Variants in SH3BP2 observed in about 807,000 individuals in gnomAD.
The protein encoded by SH3BP2 is SH3 domain binding protein 2.
Under a neutral mutation model 56.2 loss-of-function variants are expected in SH3BP2, and 38 were observed. The ratio of observed to expected loss-of-function variants is 0.68; its 90% CI spans 0.52 to 0.89. The LOEUF (loss-of-function observed/expected upper bound fraction) is 0.89, where lower values mean the gene tolerates loss of function less well. Among genes scored for constraint, SH3BP2 ranks in the 40% least tolerant of loss-of-function variants. SH3BP2 has a pLI of 0.00. For synonymous variants in SH3BP2, 346 were observed against 316.7 expected (o/e 1.09, Z -0.98); for missense variants, 748 against 762.6 (o/e 0.98, Z 0.23).
intron 3 of SH3BP2, 85 bp downstream of exon 3, chr4:2,823,122 A>G: frequency 1.0e-6 from 1 of 967,422 alleles, no homozygotes; most frequent in Non-Finnish European, 1.6e-6. Context: ...CCTGCCCCTT[A>G]TTCCCGCCCA....
At chr4:2,821,572 T>G (rs1227722806) in intron 2 of SH3BP2, among the ~76,000 whole-genome samples, 3 of 152,176 alleles carry the variant, frequency 2.0e-5, no homozygotes, top group Admixed American at 6.5e-5. Context: ...TTTATTTTAT[T>G]TTTTCGAGAC....
intron 1 of SH3BP2, chr4:2,818,773 C>T: frequency 1.0e-6 from 1 of 987,858 alleles, no homozygotes; most frequent in Non-Finnish European, 1.2e-6. Flanking sequence ...CCTCCCTGCC[C>T]AGAGGGGCTG....
In SH3BP2 at chr4:2,831,450, A is replaced by T; in HGVS notation, c.1242-121A>T. The stretch of plus-strand genomic sequence containing the variant: ...GTTGTCCTGAGCTTTTTAGGGTCAC[A>T]GGGGCCATAGCAGGCAGCTTGCCGT... On this transcript the variant is annotated intron_variant, in intron 8 of 12. Coordinates refer to ENST00000503393, the MANE Select transcript of SH3BP2 (RefSeq NM_001122681.2). The surrounding 1 kb of genome is among the most constrained non-coding windows in gnomAD (Gnocchi z 4.1). 2 of 763,252 alleles carry T rather than the reference A, an allele frequency of 2.6e-6. No individual in the cohort carries two copies. The allele number at this position is 763,252 out of a possible 1,614,324, so 47.3% of individuals were successfully genotyped here.
rs780803809 is a variant in SH3BP2 at position 2,831,622 on chromosome 4, C to G, written c.1293C>G (p.Pro431=). The G allele has an allele frequency of 2.5e-6, 4 of 1,606,132 alleles. No individual in the cohort carries two copies. The Admixed American group carries it at 6.7e-5, about 27-fold the overall frequency. ...QSFRSFSFEK[P]RQPSQADTGG... ...TCAGGAGCTTCTCCTTTGAAAAGCC[C>G]CGGCAACCCTCACAGGCTGACACTG... Residue 431 remains proline, a synonymous_variant, in exon 9 of 13, where the codon CCC becomes CCG. Coordinates refer to ENST00000503393, the MANE Select transcript of SH3BP2 (RefSeq NM_001122681.2). This position sits in a 1 kb window ranked among gnomAD's most constrained non-coding sequence, Gnocchi z 4.1.
chr4:2,827,183 C>T (rs1474447290), intron 5 of SH3BP2, 47 bp from the exon 6 acceptor site: 1 of 1,535,464 alleles, frequency 6.5e-7, no homozygotes, highest in Admixed American at 1.7e-5. Flanking sequence ...CAAGGGACCT[C>T]CCAGGCCTGG....
At chr4:2,812,007 G>C in intron 1 of SH3BP2, 4 of 379,546 alleles carry the variant, frequency 1.1e-5, no homozygotes, top group South Asian at 9.9e-5. Context: ...CGAGTATTCA[G>C]AGGTGGCCCT....
intron 1 of SH3BP2, among the ~76,000 whole-genome samples, chr4:2,812,762 C>CGG (rs1723814107): frequency 1.4e-5 from 2 of 145,686 alleles, no homozygotes; most frequent in Non-Finnish European, 3.1e-5. Flanking sequence ...GACAGGGAGG[C>CGG]GGGGGCCAGC....
chr4:2,834,533 G>C lies in SH3BP2; in HGVS notation c.*699G>C, dbSNP rs1471681096. On this transcript the variant is annotated 3_prime_UTR_variant, in exon 13 of 13. Transcript: ENST00000503393. ...TCACCAGTTCTGCTGCCTCAGGTCA[G>C]GCCAGGGCAGTGCTGCTGCAGAGCT... is the stretch of plus-strand genomic sequence containing the variant. The C allele has an allele frequency of 6.6e-6, 1 of 152,530 alleles. No individual in the cohort carries two copies. Among genetic ancestry groups the C allele is most frequent in the East Asian group, 1.9e-4 (1 of 5,196 alleles). The allele number at this position is 152,530 out of a possible 1,614,324, so 9.4% of individuals were successfully genotyped here.
intron 1 of SH3BP2, among the ~76,000 whole-genome samples, chr4:2,807,085 G>C (rs149182644): frequency 1.3e-5 from 2 of 152,224 alleles, no homozygotes; most frequent in African/African-American, 2.4e-5. Flanking sequence ...AACACACTGC[G>C]TCTTCTGGGA....
chr4:2,809,387 A>G (rs376924952), intron 1 of SH3BP2, among the ~76,000 whole-genome samples: 4 of 121,970 alleles, frequency 3.3e-5, no homozygotes, highest in Non-Finnish European at 6.8e-5. Context: ...CTCAGTGTCC[A>G]CCTTCCCACA....
intron 11 of SH3BP2, 147 bp downstream of exon 11, chr4:2,832,559 C>T (rs1287050612): frequency 1.4e-6 from 1 of 728,890 alleles, no homozygotes; most frequent in Non-Finnish European, 2.5e-6. Flanking sequence ...CCAGCAGCAC[C>T]CCCCAATCTA....
At position 2,834,646 on chromosome 4, in the gene SH3BP2, C is replaced by G. The variant is rs192599243; in HGVS notation, c.*812C>G. The G allele has an allele frequency of 6.6e-6, 1 of 152,224 alleles. No individual in the cohort carries two copies. The highest frequency in any genetic ancestry group is 1.5e-5 in the Non-Finnish European group (1 of 68,078). 9.4% of individuals were successfully genotyped at this position (152,224 alleles called of 1,614,324 possible). On this transcript the variant is annotated 3_prime_UTR_variant, in exon 13 of 13. Coordinates refer to ENST00000503393, the MANE Select transcript of SH3BP2 (RefSeq NM_001122681.2). ...CTGAGTGGCTGTCCCCGTTCCAGAA[C>G]TTGCATACACTGAGCGGGCTACAGA... is the stretch of plus-strand genomic sequence containing the variant.
chr4:2,809,941 G>T (rs1449998724), intron 1 of SH3BP2: 6 of 472,990 alleles, frequency 1.3e-5, no homozygotes, highest in Non-Finnish European at 1.7e-5. Flanking sequence ...AGGGACACCA[G>T]GGCTGCCCAT....
chr4:2,812,861 G>A (rs904805049), intron 1 of SH3BP2, among the ~76,000 whole-genome samples: 1 of 152,078 alleles, frequency 6.6e-6, no homozygotes, highest in African/African-American at 2.4e-5. Context: ...CACACGTTGT[G>A]TATGTGAGTG....
At chr4:2,809,381 G>C (rs1723655985) in intron 1 of SH3BP2, among the ~76,000 whole-genome samples, 2 of 149,460 alleles carry the variant, frequency 1.3e-5, no homozygotes, top group African/African-American at 5.0e-5. Flanking sequence ...TCTGGGCTCA[G>C]TGTCCACCTT....
chr4:2,811,559 G>C (rs1723750995), intron 1 of SH3BP2, among the ~76,000 whole-genome samples: 2 of 152,242 alleles, frequency 1.3e-5, no homozygotes, highest in Non-Finnish European at 2.9e-5. Flanking sequence ...GGGCTTGGTG[G>C]GGGCAGAGCA....
In SH3BP2 at chr4:2,831,971, G is replaced by A. The variant is rs536327218; in HGVS notation, c.1399G>A (p.Val467Met). ...VFVNTTESCE[V>M]ERLFKATSPR... ...CGTCAACACCACGGAGTCCTGCGAA[G>A]TGGAAAGGTCAGCACAAAGCCCTGT... Residue 467 changes from valine to methionine, a missense_variant, in exon 10 of 13, where the codon GTG becomes ATG. Val to Met is a conservative substitution (Grantham distance 21). Coordinates refer to ENST00000503393, the MANE Select transcript of SH3BP2 (RefSeq NM_001122681.2). The surrounding 1 kb of genome is among the most constrained non-coding windows in gnomAD (Gnocchi z 4.1). 1 of 1,613,080 alleles carries A rather than the reference G, an allele frequency of 6.2e-7. No homozygotes were observed.
chr4:2,795,096 C>T lies in SH3BP2; in HGVS notation c.-5+1958C>T, dbSNP rs140424201. On this transcript the variant is annotated intron_variant, in intron 1 of 12. Transcript: ENST00000503393. ...TACCTGGTGGGTGGCTATGAGTGTCCGTAGGGGGGATGGTGGTGGTGGTGA... is the reference window on the plus strand; with the variant it reads ...TACCTGGTGGGTGGCTATGAGTGTCTGTAGGGGGGATGGTGGTGGTGGTGA... 3.2e-4 allele frequency among the ~76,000 whole-genome samples: 49 copies of T among 152,206 alleles called. 3 individuals carry two copies. Among genetic ancestry groups the T allele is most frequent in the East Asian group, 3.9e-4 (2 of 5,172 alleles).
At chr4:2,814,981 G>A (rs1485646479) in intron 1 of SH3BP2, 1 of 152,314 alleles carries the variant, frequency 6.6e-6, no homozygotes, top group Non-Finnish European at 1.5e-5. Flanking sequence ...CTGGAAGAGG[G>A]GCTGGGCACT....
Sources: gnomAD v4.1 joint callset for allele counts (sites outside exome capture counted in the v4.1 genomes callset) on GRCh38, gnomAD v4.1.1 for gene constraint, Gnocchi (gnomAD v3.1) non-coding constraint, MANE v1.5 for transcripts, NCBI Gene and HGNC (gene_info 2026-07-23, HGNC 2026-07-21) for gene names.